Variants in GRM7 observed in about 807,000 individuals in gnomAD.
GRM7 encodes the protein metabotropic glutamate receptor 7.
In GRM7, 35 loss-of-function variants were observed where a neutral mutation model predicts 84.5. The observed-to-expected ratio is 0.41, with a 90% CI of 0.32 to 0.55. The LOEUF (loss-of-function observed/expected upper bound fraction) is 0.55, where lower values mean the gene tolerates loss of function less well. Among genes scored for constraint, GRM7 ranks in the 20% least tolerant of loss-of-function variants. GRM7 has a pLI of 0.19. For synonymous variants in GRM7, 487 were observed against 455.1 expected (o/e 1.07, Z -0.89); for missense variants, 1,003 against 1,194.6 (o/e 0.84, Z 2.36).
chr3:6,878,418 GTAT>G lies in GRM7; in HGVS notation c.519+16513_519+16515del, dbSNP rs1259056628. Among the ~76,000 whole-genome samples, 20 of 101,594 alleles carry G rather than the reference GTAT, an allele frequency of 2.0e-4. No homozygotes were observed. The East Asian group carries it at 5.9e-3, about 30-fold the overall frequency. The allele number at this position is 101,594 out of a possible 152,430, so 66.6% of individuals were successfully genotyped here. On this transcript the variant is annotated intron_variant, in intron 1 of 9. Transcript: ENST00000357716. Reference sequence around the variant, plus strand: ...GTGTGTGTGTGTGTGTGTGTGTGTAGTATTTTTTCTTCTGAAGAAACTGATCTT... The same window carrying G: ...GTGTGTGTGTGTGTGTGTGTGTGTAGTTTTTCTTCTGAAGAAACTGATCTT...
chr3:7,731,030 G>A (rs62233905), intron 9 of GRM7, among the ~76,000 whole-genome samples: 13,322 of 151,758 alleles, frequency 0.088, 803 homozygotes, highest in African/African-American at 0.17. Context: ...TAAGAACGAC[G>A]TAAACCTCTG....
At chr3:7,016,652 T>C (rs1695576203) in intron 1 of GRM7, among the ~76,000 whole-genome samples, 1 of 152,178 alleles carries the variant, frequency 6.6e-6, no homozygotes, top group Admixed American at 6.6e-5. Flanking sequence ...TGGGCCAGTT[T>C]TAAAAGTAGA....
chr3:6,998,573 C>T (rs1694906040), intron 1 of GRM7, among the ~76,000 whole-genome samples: 1 of 152,206 alleles, frequency 6.6e-6, no homozygotes, highest in Admixed American at 6.5e-5. Flanking sequence ...TTCTGCACTG[C>T]CCTAGCATAA....
At chr3:7,640,021 T>G (rs1274599136) in intron 8 of GRM7, among the ~76,000 whole-genome samples, 1 of 152,198 alleles carries the variant, frequency 6.6e-6, no homozygotes, top group Non-Finnish European at 1.5e-5. Flanking sequence ...TCATAGTATA[T>G]ATACAGCCCT....
intron 2 of GRM7, among the ~76,000 whole-genome samples, chr3:7,246,970 AG>A (rs1697786433): frequency 6.6e-6 from 1 of 152,188 alleles, no homozygotes; most frequent in Non-Finnish European, 1.5e-5. Flanking sequence ...GATGAGAAAA[AG>A]ATTAATTCAC....
intron 2 of GRM7, among the ~76,000 whole-genome samples, chr3:7,150,874 A>G (rs933610219): frequency 9.9e-5 from 15 of 152,222 alleles, no homozygotes; most frequent in Non-Finnish European, 1.9e-4. Context: ...TTCAAGCACT[A>G]TAAGACTAAG....
At chr3:7,629,452 C>A (rs563275092) in intron 8 of GRM7, among the ~76,000 whole-genome samples, 108 of 152,296 alleles carry the variant, frequency 7.1e-4, no homozygotes, top group African/African-American at 2.5e-3. Flanking sequence ...CTCACATGAC[C>A]TTTCCCCAGT....
chr3:7,426,417 G>C (rs1416543180), intron 5 of GRM7, among the ~76,000 whole-genome samples: 1 of 152,158 alleles, frequency 6.6e-6, no homozygotes, highest in Non-Finnish European at 1.5e-5. Context: ...TGATGTTCTA[G>C]TTCTCTAGAG....
intron 1 of GRM7, among the ~76,000 whole-genome samples, chr3:6,931,917 A>C (rs550316187): frequency 6.4e-4 from 97 of 152,330 alleles, no homozygotes; most frequent in Middle Eastern, 6.8e-3. Flanking sequence ...TCTAGTGAAG[A>C]AGAAAGTCGA....
intron 1 of GRM7, among the ~76,000 whole-genome samples, chr3:7,071,449 G>C (rs902818724): frequency 6.6e-6 from 1 of 151,948 alleles, no homozygotes; most frequent in African/African-American, 2.4e-5. Context: ...AAGAAATGCT[G>C]TCTTCCACTT....
At chr3:7,485,033 T>A (rs1559355042) in intron 7 of GRM7, among the ~76,000 whole-genome samples, 1 of 152,180 alleles carries the variant, frequency 6.6e-6, no homozygotes, top group Non-Finnish European at 1.5e-5. Flanking sequence ...CCAATAGGCG[T>A]GGGAAACTAT....
intron 1 of GRM7, among the ~76,000 whole-genome samples, chr3:6,966,034 T>A (rs901349144): frequency 6.6e-6 from 1 of 152,184 alleles, no homozygotes; most frequent in Non-Finnish European, 1.5e-5. Flanking sequence ...AGTGGATAAT[T>A]ACTTTGCAGG....
At chr3:7,568,504 AG>A (rs532937945) in intron 7 of GRM7, among the ~76,000 whole-genome samples, 111 of 152,336 alleles carry the variant, frequency 7.3e-4, no homozygotes, top group African/African-American at 2.4e-3. Context: ...GCCACACTTG[AG>A]GAGCCCTTCA....
At chr3:7,423,378 A>G (rs1696476431) in intron 5 of GRM7, among the ~76,000 whole-genome samples, 1 of 152,176 alleles carries the variant, frequency 6.6e-6, no homozygotes, top group African/African-American at 2.4e-5. Context: ...TGGCCTTTCC[A>G]TATTCAGAAA....
At chr3:7,669,056 C>A (rs979278511) in intron 8 of GRM7, among the ~76,000 whole-genome samples, 1 of 152,184 alleles carries the variant, frequency 6.6e-6, no homozygotes, top group Non-Finnish European at 1.5e-5. Flanking sequence ...GGCATAAGCC[C>A]GCATCCAAAT....
At chr3:7,186,887 A>G (rs1195822811) in intron 2 of GRM7, among the ~76,000 whole-genome samples, 1 of 152,154 alleles carries the variant, frequency 6.6e-6, no homozygotes, top group Non-Finnish European at 1.5e-5. Flanking sequence ...ATTAACTCCA[A>G]GTGTCTAAGA....
intron 8 of GRM7, among the ~76,000 whole-genome samples, chr3:7,604,621 A>G (rs190792215): frequency 6.6e-6 from 1 of 152,322 alleles, no homozygotes; most frequent in East Asian, 1.9e-4. Flanking sequence ...ACTTTCTTAC[A>G]TGTGGCTTAG....
intron 2 of GRM7, among the ~76,000 whole-genome samples, chr3:7,224,199 G>A (rs1317138040): frequency 1.3e-5 from 2 of 152,188 alleles, no homozygotes; most frequent in Non-Finnish European, 2.9e-5. Flanking sequence ...TCACTTCTGG[G>A]GAAGCCTGAG....
At chr3:7,620,055 G>T (rs1170057559) in intron 8 of GRM7, among the ~76,000 whole-genome samples, 3 of 152,034 alleles carry the variant, frequency 2.0e-5, no homozygotes, top group Non-Finnish European at 4.4e-5. Flanking sequence ...GTGCTTACTT[G>T]CCTGGCCTCT....
Sources: allele counts gnomAD v4.1 joint callset (sites outside exome capture counted in the v4.1 genomes callset), GRCh38; gene constraint gnomAD v4.1.1; transcripts MANE v1.5; gene names NCBI Gene and HGNC (gene_info 2026-07-23, HGNC 2026-07-21).